Variants in APP observed in about 807,000 individuals in gnomAD.
APP encodes amyloid-beta precursor protein.
Under a neutral mutation model 101.4 loss-of-function variants are expected in APP, and 31 were observed. The ratio of observed to expected loss-of-function variants is 0.31; its 90% CI spans 0.23 to 0.41. The LOEUF (loss-of-function observed/expected upper bound fraction) is 0.41. Among genes scored for constraint, APP ranks in the 10% least tolerant of loss-of-function variants. APP has a pLI of 1.00. For missense variants in APP, 839 were observed against 1,003.7 expected (o/e 0.84, Z 2.22); for synonymous variants, 366 against 364.4 (o/e 1.00, Z -0.05).
chr21:25,987,961 T>G (rs1433220106), intron 8 of APP, among the ~76,000 whole-genome samples: 3 of 152,166 alleles, frequency 2.0e-5, no homozygotes, highest in Non-Finnish European at 4.4e-5. Flanking sequence ...ATTGTTAATA[T>G]GTGATTTGTA....
intron 3 of APP, among the ~76,000 whole-genome samples, chr21:26,086,836 T>TA (rs2061715646): frequency 6.6e-6 from 1 of 152,208 alleles, no homozygotes; most frequent in African/African-American, 2.4e-5. Flanking sequence ...TTAAAACAAA[T>TA]TTTTGTGTAT....
At chr21:26,170,182 T>C (rs190210557) in intron 1 of APP, among the ~76,000 whole-genome samples, 12 of 152,230 alleles carry the variant, frequency 7.9e-5, no homozygotes, top group Admixed American at 5.2e-4. Flanking sequence ...GACGCTGCGT[T>C]TTCGGTTTTC....
At position 26,140,661 on chromosome 21, in the gene APP, A is replaced by G. The variant is rs77659545; in HGVS notation, c.58-28515T>C. On this transcript the variant is annotated intron_variant, in intron 1 of 17. Coordinates refer to ENST00000346798, the MANE Select transcript of APP (RefSeq NM_000484.4). Reference sequence around the variant, plus strand: ...ATATTTAACAAATTCAAAGTCTATCACAACACAGGAACTTGTTAGGCAAGA... The same window carrying G: ...ATATTTAACAAATTCAAAGTCTATCGCAACACAGGAACTTGTTAGGCAAGA... Among the ~76,000 whole-genome samples the G allele has an allele frequency of 2.5e-3, 377 of 152,358 alleles. 6 individuals are homozygous for G. In the East Asian group the frequency reaches 0.032, roughly 13 times the overall value.
chr21:26,155,946 A>G (rs1358358604), intron 1 of APP, among the ~76,000 whole-genome samples: 1 of 149,166 alleles, frequency 6.7e-6, no homozygotes, highest in Non-Finnish European at 1.5e-5. Flanking sequence ...GCTTGCAGTG[A>G]GCCGAGACCG....
chr21:26,014,618 T>C (rs967230314), intron 6 of APP, among the ~76,000 whole-genome samples: 2 of 152,340 alleles, frequency 1.3e-5, no homozygotes, highest in East Asian at 1.9e-4. Context: ...AATGCAGATA[T>C]GGCTAGAAGC....
At chr21:25,941,160 T>C (rs1001554406) in intron 13 of APP, 7 of 152,222 alleles carry the variant, frequency 4.6e-5, no homozygotes, top group Non-Finnish European at 1.0e-4. Context: ...ACACATGTAA[T>C]AGGCCAAGAT....
intron 6 of APP, among the ~76,000 whole-genome samples, chr21:26,008,793 A>G (rs1463605263): frequency 2.0e-5 from 3 of 152,232 alleles, no homozygotes; most frequent in African/African-American, 7.2e-5. Context: ...CTCAGTAGGT[A>G]GATGTCTCAG....
chr21:26,081,250 G>A (rs2061592693), intron 3 of APP, among the ~76,000 whole-genome samples: 1 of 152,138 alleles, frequency 6.6e-6, no homozygotes, highest in Non-Finnish European at 1.5e-5. Context: ...CCCCATTAAA[G>A]TTACTGTCAC....
At chr21:26,146,319 T>C (rs1260048921) in intron 1 of APP, among the ~76,000 whole-genome samples, 3 of 152,216 alleles carry the variant, frequency 2.0e-5, no homozygotes, top group African/African-American at 4.8e-5. Context: ...CAAAGAAATA[T>C]CTGTTATCAA....
chr21:25,900,672 T>G (rs948067485), intron 15 of APP, among the ~76,000 whole-genome samples: 1 of 152,066 alleles, frequency 6.6e-6, no homozygotes, highest in Non-Finnish European at 1.5e-5. Flanking sequence ...CTTTTAGATT[T>G]TGGAGCCAAA....
intron 11 of APP, 111 bp downstream of exon 11, chr21:25,974,959 T>C: frequency 6.8e-7 from 1 of 1,479,180 alleles, no homozygotes; most frequent in Admixed American, 1.9e-5. Flanking sequence ...TGAATAACAG[T>C]GCTCAAGGCA....
At chr21:26,159,407 C>T (rs1038952890) in intron 1 of APP, among the ~76,000 whole-genome samples, 1 of 152,146 alleles carries the variant, frequency 6.6e-6, no homozygotes, top group African/African-American at 2.4e-5. Context: ...AAACATCTAA[C>T]TCCAAATAAA....
intron 6 of APP, among the ~76,000 whole-genome samples, chr21:26,014,712 T>C (rs896853108): frequency 3.9e-5 from 6 of 152,338 alleles, no homozygotes; most frequent in South Asian, 2.1e-4. Flanking sequence ...CTTGTGGATA[T>C]TGGTGAAATG....
intron 1 of APP, among the ~76,000 whole-genome samples, chr21:26,124,465 C>T (rs2062640464): frequency 6.6e-6 from 1 of 152,220 alleles, no homozygotes; most frequent in African/African-American, 2.4e-5. Context: ...TTCCTGAACT[C>T]CTTTGTAATT....
intron 9 of APP, among the ~76,000 whole-genome samples, chr21:25,978,443 C>T (rs531984325): frequency 9.2e-5 from 14 of 152,164 alleles, no homozygotes; most frequent in African/African-American, 2.2e-4. Context: ...TCCCATTTTA[C>T]GAACCAGGTT....
At chr21:25,982,581 G>C in intron 8 of APP, 104 bp from the exon 9 acceptor site, 1 of 1,168,742 alleles carries the variant, frequency 8.6e-7, no homozygotes, top group Admixed American at 2.0e-5. Context: ...TCTCAGAACA[G>C]AGAATTTAGT....
At chr21:25,947,900 G>C (rs1285509219) in intron 13 of APP, among the ~76,000 whole-genome samples, 7 of 151,538 alleles carry the variant, frequency 4.6e-5, no homozygotes. Flanking sequence ...AGCTACTTGG[G>C]AGGCTGAGGC....
intron 11 of APP, among the ~76,000 whole-genome samples, chr21:25,960,795 A>T (rs192255858): frequency 1.9e-3 from 288 of 152,284 alleles, no homozygotes; most frequent in African/African-American, 6.2e-3. Context: ...ACATCAGATA[A>T]TTCAGGAAGA....
At chr21:26,134,321 C>A (rs972490948) in intron 1 of APP, among the ~76,000 whole-genome samples, 2 of 152,222 alleles carry the variant, frequency 1.3e-5, no homozygotes, top group Non-Finnish European at 2.9e-5. Flanking sequence ...ACTCCCCCAA[C>A]TTCAGATGTC....
Sources: gnomAD v4.1 joint callset for allele counts (sites outside exome capture counted in the v4.1 genomes callset) on GRCh38, gnomAD v4.1.1 for gene constraint, MANE v1.5 for transcripts, NCBI Gene and HGNC (gene_info 2026-07-23, HGNC 2026-07-21) for gene names.